The following KCNC2 variants were observed in gnomAD, a reference collection of about 807,000 sequenced individuals.
The protein encoded by KCNC2 is voltage-gated potassium channel KCNC2.
In KCNC2, 21 loss-of-function variants were observed where a neutral mutation model predicts 44.5. That is an observed-to-expected ratio of 0.47 (90% confidence interval 0.33 to 0.68). The LOEUF is 0.68. KCNC2 is among the 30% of genes least tolerant of loss of function. KCNC2 has a pLI of 0.01. For missense variants in KCNC2, 589 were observed against 826.2 expected, an observed-to-expected ratio of 0.71 and a Z score of 3.52; for synonymous variants, 391 against 339.1, an observed-to-expected ratio of 1.15 and a Z score of -1.68.
chr12:75,199,347 A>G (rs61932906), intron 2 of KCNC2, among the ~76,000 whole-genome samples: 151,903 of 151,906 alleles, frequency 1, 75,950 homozygotes, highest in Non-Finnish European at 1. Context: ...GACACATAAA[A>G]CAATGAGGAA....
chr12:75,198,382 C>T (rs569782937), intron 2 of KCNC2, among the ~76,000 whole-genome samples: 9 of 151,884 alleles, frequency 5.9e-5, no homozygotes, highest in East Asian at 1.9e-4. Context: ...CTGCTATTTT[C>T]GATTCTGTTT....
At chr12:75,168,094 C>T (rs551505292) in intron 2 of KCNC2, among the ~76,000 whole-genome samples, 1 of 147,346 alleles carries the variant, frequency 6.8e-6, no homozygotes, top group South Asian at 2.1e-4. Flanking sequence ...TCATCATTTG[C>T]CCTCCTAAAA....
intron 2 of KCNC2, among the ~76,000 whole-genome samples, chr12:75,174,434 CAT>C (rs1565663199): frequency 1.3e-5 from 2 of 151,806 alleles, no homozygotes; most frequent in African/African-American, 4.8e-5. Flanking sequence ...CTCTATGACA[CAT>C]AGATTCCCCT....
intron 2 of KCNC2, among the ~76,000 whole-genome samples, chr12:75,113,135 A>T (rs182924961): frequency 1.3e-5 from 2 of 152,140 alleles, no homozygotes; most frequent in Non-Finnish European, 2.9e-5. Context: ...CTAGAAACTG[A>T]TGCTTGTTAT....
intron 2 of KCNC2, among the ~76,000 whole-genome samples, chr12:75,070,535 A>G (rs935263992): frequency 1.3e-5 from 2 of 152,248 alleles, no homozygotes; most frequent in East Asian, 3.9e-4. Context: ...AAAATTAAAT[A>G]ACAGTATGTA....
intron 2 of KCNC2, among the ~76,000 whole-genome samples, chr12:75,197,592 T>C (rs1256633315): frequency 1.3e-5 from 2 of 152,054 alleles, no homozygotes; most frequent in Non-Finnish European, 2.9e-5. Context: ...TGCTAAATTT[T>C]AATCCATTTT....
At chr12:75,055,526 T>C (rs1268150334) in intron 2 of KCNC2, among the ~76,000 whole-genome samples, 1 of 152,004 alleles carries the variant, frequency 6.6e-6, no homozygotes, top group Non-Finnish European at 1.5e-5. Context: ...AAAATAAAAT[T>C]AGGCATGCTG....
Position 75,146,059 on chromosome 12 carries a change from A to G in KCNC2, c.687+61238T>C, listed in dbSNP as rs142885360. On this transcript the variant is annotated intron_variant, in intron 2 of 4. Coordinates refer to ENST00000549446, the MANE Select transcript of KCNC2 (RefSeq NM_139137.4). The stretch of plus-strand genomic sequence containing the variant: ...GGTTCCACCTCCCGGGGTTCACACC[A>G]TTCTCTTGCCTCAGCCTCCCTAGTA... 8.1e-4 allele frequency among the ~76,000 whole-genome samples: 121 copies of G among 150,144 alleles called. 2 individuals carry two copies. The highest frequency in any genetic ancestry group is 6.9e-3 in the Middle Eastern group (2 of 290).
chr12:75,052,131 T>C (rs1003162829), intron 2 of KCNC2, among the ~76,000 whole-genome samples: 1 of 152,094 alleles, frequency 6.6e-6, no homozygotes, highest in African/African-American at 2.4e-5. Flanking sequence ...AGCACTCATA[T>C]AGTTCTTAGT....
intron 2 of KCNC2, among the ~76,000 whole-genome samples, chr12:75,072,963 G>A (rs1455942344): frequency 6.6e-6 from 1 of 152,036 alleles, no homozygotes; most frequent in Non-Finnish European, 1.5e-5. Context: ...CAAAGCAATA[G>A]GAATACATCC....
chr12:75,042,964 AC>A lies in KCNC2; in HGVS notation c.*140del. On this transcript the variant is annotated 3_prime_UTR_variant, in exon 5 of 5. Transcript: ENST00000549446. ...ATTAGCTACCCAAGTGGCATTTCTG[AC>A]TTCAAATTGTAGTATCATGCAAGAT... 1 of 1,414,558 alleles carries A rather than the reference AC, an allele frequency of 7.1e-7. No homozygotes were observed. The highest frequency in any genetic ancestry group is 9.2e-7 in the Non-Finnish European group (1 of 1,084,328). 87.6% of individuals were successfully genotyped at this position (1,414,558 alleles called of 1,614,324 possible). A position where few individuals can be genotyped will look rare whatever the true frequency, so the allele number is the denominator to read the frequency against.
At chr12:75,132,010 C>G (rs1054660915) in intron 2 of KCNC2, among the ~76,000 whole-genome samples, 3 of 152,076 alleles carry the variant, frequency 2.0e-5, no homozygotes, top group Non-Finnish European at 4.4e-5. Context: ...AATGGAGAAG[C>G]CTTGTCTCTA....
chr12:75,072,913 T>A (rs747742659), intron 2 of KCNC2, among the ~76,000 whole-genome samples: 1 of 152,176 alleles, frequency 6.6e-6, no homozygotes, highest in Non-Finnish European at 1.5e-5. Flanking sequence ...GCTCTCTTGA[T>A]AAGACAGTTT....
Position 75,106,417 on chromosome 12 carries a change from G to A in KCNC2, c.688-55100C>T, listed in dbSNP as rs376604892. On this transcript the variant is annotated intron_variant, in intron 2 of 4. Transcript: ENST00000549446. ...ATTCTATGCTGTTAAGAGTTATTCC[G>A]GTGGTAAGCTAAAAAGAAATGATCC... Among the ~76,000 whole-genome samples the A allele has an allele frequency of 4.1e-4, 62 of 152,260 alleles. No individual in the cohort carries two copies. In the South Asian group the frequency reaches 0.012, roughly 29 times the overall value.
At chr12:75,141,115 G>C (rs1029955420) in intron 2 of KCNC2, among the ~76,000 whole-genome samples, 3 of 152,136 alleles carry the variant, frequency 2.0e-5, no homozygotes, top group African/African-American at 7.2e-5. Context: ...CCATACACTT[G>C]AAGGCTGTTC....
In KCNC2 at chr12:75,113,047, A is replaced by G. The variant is rs182417719; in HGVS notation, c.688-61730T>C. On this transcript the variant is annotated intron_variant, in intron 2 of 4. Transcript: ENST00000549446. ...TAACCAGGAAACTTGAATTTAATTT[A>G]CAATGTAACTCAAAGGATAAGCAAT... 1.7e-4 allele frequency among the ~76,000 whole-genome samples: 26 copies of G among 152,292 alleles called. No homozygotes were observed. The South Asian group carries it at 5.2e-3, about 30-fold the overall frequency.
chr12:75,088,469 ATTC>A (rs1885206161), intron 2 of KCNC2, among the ~76,000 whole-genome samples: 1 of 152,088 alleles, frequency 6.6e-6, no homozygotes, highest in South Asian at 2.1e-4. Flanking sequence ...CAAAACCTCT[ATTC>A]TTTGTGTAAA....
At chr12:75,059,944 AATG>A (rs1367304069) in intron 2 of KCNC2, among the ~76,000 whole-genome samples, 1 of 152,128 alleles carries the variant, frequency 6.6e-6, no homozygotes, top group Non-Finnish European at 1.5e-5. Context: ...CCACAGCATC[AATG>A]ATAACCCAAA....
chr12:75,107,231 G>A (rs1254036488), intron 2 of KCNC2, among the ~76,000 whole-genome samples: 1 of 152,124 alleles, frequency 6.6e-6, no homozygotes, highest in East Asian at 1.9e-4. Flanking sequence ...CTGAACCCAG[G>A]AGGTGGAGGT....
Sources: gnomAD v4.1 joint callset for allele counts (sites outside exome capture counted in the v4.1 genomes callset) on GRCh38, gnomAD v4.1.1 for gene constraint, MANE v1.5 for transcripts, NCBI Gene and HGNC (gene_info 2026-07-23, HGNC 2026-07-21) for gene names.